The following SLC44A2 variants were observed in gnomAD, a reference collection of about 807,000 sequenced individuals.
SLC44A2 encodes solute carrier family 44 member 2 (CTL2 blood group).
Under a neutral mutation model 90.8 loss-of-function variants are expected in SLC44A2, and 57 were observed. That is an observed-to-expected ratio of 0.63 (90% CI 0.51 to 0.78). The LOEUF is 0.78. SLC44A2 is among the 30% of genes least tolerant of loss of function. The pLI is 0.00. For missense variants in SLC44A2, 794 were observed against 919.7 expected (o/e 0.86, Z 1.77); for synonymous variants, 355 against 360.7 (o/e 0.98, Z 0.18).
chr19:10,641,094 A>AT lies in SLC44A2; in HGVS notation c.1930-1273_1930-1272insT, dbSNP rs111569642. On this transcript the variant is annotated intron_variant, in intron 20 of 21. Transcript: ENST00000335757. ...AGAGCAAGATTCCGTCTCAGGAGGGAAAAAAAAAAGGCTCTCAGCCAGACG... is the reference window on the plus strand; with the variant it reads ...AGAGCAAGATTCCGTCTCAGGAGGGATAAAAAAAAAGGCTCTCAGCCAGACG... 1.3e-5 allele frequency: 3 copies of AT among 233,432 alleles called. No individual in the cohort carries two copies. In the African/African-American group the frequency reaches 5.2e-4, roughly 40 times the overall value. 14.5% of individuals were successfully genotyped at this position (233,432 alleles called of 1,614,324 possible).
chr19:10,634,937 T>C, intron 11 of SLC44A2, 37 bp from the exon 12 acceptor site: 1 of 1,613,842 alleles, frequency 6.2e-7, no homozygotes, highest in Non-Finnish European at 8.5e-7. Flanking sequence ...TTGGAGGGAG[T>C]GGGGAGCCCA....
In SLC44A2 at chr19:10,631,745, G is replaced by A. The variant is rs772852528; in HGVS notation, c.622G>A (p.Ala208Thr). ...AAACATCACAGACCTGGTGGAGGGCGCCAAGTGAGGATATTGGCGCACCGC... is the reference window on the plus strand; with the variant it reads ...AAACATCACAGACCTGGTGGAGGGCACCAAGTGAGGATATTGGCGCACCGC... ...RKNITDLVEGAKKANGVLEAR... is the reference protein window; with the variant it reads ...RKNITDLVEGTKKANGVLEAR... Residue 208 changes from alanine (A) to threonine (T), a missense_variant, in exon 8 of 22, where the codon GCC (alanine) becomes ACC (threonine). By Grantham distance (58) the Ala-to-Thr change is moderately conservative. This residue lies in a region of SLC44A2 where 738 missense variants were observed against 841.1 expected (regional missense o/e 0.88). Coordinates refer to ENST00000335757, the MANE Select transcript of SLC44A2 (RefSeq NM_020428.4). The A allele has an allele frequency of 4.3e-6, 7 of 1,613,262 alleles. No individual in the cohort carries two copies. Among genetic ancestry groups the A allele is most frequent in the African/African-American group, 1.3e-5 (1 of 74,944 alleles).
At position 10,631,299 on chromosome 19, in the gene SLC44A2, C is replaced by T. The variant is rs768934304; in HGVS notation, c.355C>T (p.Arg119Cys). 37 of 1,614,036 alleles carry T rather than the reference C, an allele frequency of 2.3e-5. No homozygotes were observed. Among genetic ancestry groups the T allele is most frequent in the East Asian group, 1.3e-4 (6 of 44,896 alleles). The change falls in exon 6 of 22, where the codon CGC becomes TGC. Residue 119 changes from arginine to cysteine, a missense_variant. Coordinates refer to ENST00000335757, the MANE Select transcript of SLC44A2 (RefSeq NM_020428.4). ...PQICVEKCPD[R>C]YLTYLNARSS... ...GATCTGCGTGGAAAAATGCCCCGACCGCTACCTCACGTACCTGAATGCTCG... is the reference window on the plus strand; with the variant it reads ...GATCTGCGTGGAAAAATGCCCCGACTGCTACCTCACGTACCTGAATGCTCG...
chr19:10,607,999 G>A (rs190822073), intron 1 of SLC44A2, among the ~76,000 whole-genome samples: 9,522 of 151,440 alleles, frequency 0.063, 353 homozygotes, highest in Middle Eastern at 0.12. Flanking sequence ...CCCCCGCCTC[G>A]GCCTCCCAAA....
At chr19:10,634,653 G>T in intron 10 of SLC44A2, 103 bp from the exon 11 acceptor site, 2 of 1,547,006 alleles carry the variant, frequency 1.3e-6, no homozygotes, top group South Asian at 2.3e-5. Context: ...AGTCCCTGAG[G>T]CAGAAGCCTC....
intron 20 of SLC44A2, among the ~76,000 whole-genome samples, chr19:10,641,862 A>G (rs76557069): frequency 6.9e-6 from 1 of 144,130 alleles, no homozygotes; most frequent in East Asian, 2.0e-4. Context: ...TCAAAAAAAG[A>G]AAAAAAAAAA....
intron 20 of SLC44A2, among the ~76,000 whole-genome samples, chr19:10,640,499 G>A (rs545507948): frequency 6.6e-6 from 1 of 152,156 alleles, no homozygotes; most frequent in East Asian, 1.9e-4. Flanking sequence ...TCCCTATATT[G>A]CCAGGCTGGT....
chr19:10,629,651 C>T (rs931558284), intron 4 of SLC44A2, among the ~76,000 whole-genome samples: 2 of 151,996 alleles, frequency 1.3e-5, no homozygotes, highest in Admixed American at 6.6e-5. Context: ...GATCATAGCT[C>T]GCTACAGCCT....
intron 2 of SLC44A2, among the ~76,000 whole-genome samples, chr19:10,627,460 G>A (rs2066945817): frequency 6.6e-6 from 1 of 152,114 alleles, no homozygotes; most frequent in Admixed American, 6.6e-5. Flanking sequence ...AGGATCACTT[G>A]AGCCCAGGAG....
chr19:10,643,498 C>T lies in SLC44A2; in HGVS notation c.*113C>T, dbSNP rs2144902005. ...TGAAGTCCTATCACTGCCGCTCTGCCCCTCCCCATGAGCCAGATCCCACCA... is the reference window on the plus strand; with the variant it reads ...TGAAGTCCTATCACTGCCGCTCTGCTCCTCCCCATGAGCCAGATCCCACCA... On this transcript the variant is annotated 3_prime_UTR_variant, in exon 22 of 22. Coordinates refer to ENST00000335757, the MANE Select transcript of SLC44A2 (RefSeq NM_020428.4). 10 of 1,264,692 alleles carry T rather than the reference C, an allele frequency of 7.9e-6. No individual in the cohort carries two copies. The highest frequency in any genetic ancestry group is 1.1e-5 in the Non-Finnish European group (10 of 926,796). The allele number at this position is 1,264,692 out of a possible 1,614,324, so 78.3% of individuals were successfully genotyped here.
At chr19:10,606,255 G>A (rs543160099) in intron 1 of SLC44A2, among the ~76,000 whole-genome samples, 5 of 152,222 alleles carry the variant, frequency 3.3e-5, no homozygotes, top group South Asian at 2.1e-4. Context: ...CAAAGATAGC[G>A]CCACTGCACT....
intron 1 of SLC44A2, among the ~76,000 whole-genome samples, chr19:10,616,380 G>A (rs556623337): frequency 6.6e-6 from 1 of 151,946 alleles, no homozygotes; most frequent in African/African-American, 2.4e-5. Flanking sequence ...ACAAAGGCAT[G>A]TCACCACGCC....
chr19:10,638,946 C>G (rs534321629), intron 20 of SLC44A2, among the ~76,000 whole-genome samples: 2 of 152,116 alleles, frequency 1.3e-5, no homozygotes, highest in African/African-American at 4.8e-5. Flanking sequence ...ATTACAGGCA[C>G]GAGCCACCAC....
At chr19:10,606,911 ATTTTTTT>A (rs1012814720) in intron 1 of SLC44A2, among the ~76,000 whole-genome samples, 2 of 133,274 alleles carry the variant, frequency 1.5e-5, no homozygotes, top group Non-Finnish European at 3.2e-5. Context: ...ACTTACGGCT[ATTTTTTT>A]TTTTTTTTTT....
Position 10,636,578 on chromosome 19 carries a change from G to A in SLC44A2, c.1489G>A (p.Ala497Thr). Residue 497 changes from alanine to threonine, a missense_variant, in exon 15 of 22, where the codon GCG becomes ACG. This residue lies in a region of SLC44A2 where 738 missense variants were observed against 841.1 expected (regional missense o/e 0.88). Transcript: ENST00000335757. Reference protein sequence around the residue: ...AFPLFSAFGRALRYHTGSLAF... With the variant: ...AFPLFSAFGRTLRYHTGSLAF... ...CCCGCTCTTCTCTGCCTTTGGCCGG[G>A]CGCTCAGGTGGGCTGGCGTTGCAGG... The A allele has an allele frequency of 1.2e-6, 2 of 1,604,410 alleles. No homozygotes were observed. Among genetic ancestry groups the A allele is most frequent in the Non-Finnish European group, 8.5e-7 (1 of 1,176,548 alleles).
At position 10,627,978 on chromosome 19, in the gene SLC44A2, C is replaced by T; in HGVS notation, c.219C>T (p.Phe73=). The change falls in exon 4 of 22, where the codon TTC becomes TTT. Residue 73 remains phenylalanine, a synonymous_variant. Coordinates refer to ENST00000335757, the MANE Select transcript of SLC44A2 (RefSeq NM_020428.4). ...ACCCCACTGACAGCCGGGGCGAGTTCTGCGGGCAGAAGGGCACAAAAAACG... is the reference window on the plus strand; with the variant it reads ...ACCCCACTGACAGCCGGGGCGAGTTTTGCGGGCAGAAGGGCACAAAAAACG... ...VIYPTDSRGE[F]CGQKGTKNEN... 6.2e-7 allele frequency: 1 copy of T among 1,613,810 alleles called. No homozygotes were observed. Among genetic ancestry groups the T allele is most frequent in the Non-Finnish European group, 8.5e-7 (1 of 1,179,884 alleles).
At chr19:10,626,017 G>A (rs1038891763) in intron 1 of SLC44A2, among the ~76,000 whole-genome samples, 1 of 152,194 alleles carries the variant, frequency 6.6e-6, no homozygotes, top group African/African-American at 2.4e-5. Context: ...GTGGCCGCCA[G>A]TTAATAAGTT....
intron 10 of SLC44A2, among the ~76,000 whole-genome samples, chr19:10,632,413 G>A (rs1055836614): frequency 1.3e-5 from 2 of 151,528 alleles, no homozygotes; most frequent in Non-Finnish European, 2.9e-5. Flanking sequence ...GTGCATGCCT[G>A]TAATCCCAGC....
In SLC44A2 at chr19:10,631,543, A is replaced by G. The variant is rs1227794364; in HGVS notation, c.502+8A>G. ...TCATCCCCAGCAAACCCTGTGAGTC[A>G]GGGGATCCCAGGAGGCTCAGGTGGT... On this transcript the variant is annotated splice_region_variant and intron_variant, in intron 7 of 21. Transcript: ENST00000335757. 27 of 1,613,868 alleles carry G rather than the reference A, an allele frequency of 1.7e-5. No homozygotes were observed. Among genetic ancestry groups the G allele is most frequent in the Non-Finnish European group, 2.3e-5 (27 of 1,180,010 alleles).
Sources: allele counts gnomAD v4.1 joint callset (sites outside exome capture counted in the v4.1 genomes callset), GRCh38; gene constraint gnomAD v4.1.1; regional missense constraint gnomAD v4.1.1; transcripts MANE v1.5; gene names NCBI Gene and HGNC (gene_info 2026-07-23, HGNC 2026-07-21).